The following EYS variants were observed in gnomAD, a reference collection of about 807,000 sequenced individuals.
EYS encodes the protein protein eyes shut homolog.
A neutral mutation model predicts 282.1 loss-of-function variants in EYS; 250 were observed. That is an observed-to-expected ratio of 0.89 (90% CI 0.80 to 0.98). EYS has a LOEUF of 0.98. EYS is among the 50% of genes least tolerant of loss of function. The pLI, the probability that EYS is intolerant of heterozygous loss-of-function variation, is 0.00. For missense variants in EYS, 4,016 were observed against 3,709.0 expected (o/e 1.08, Z -2.15); for synonymous variants, 1,355 against 1,282.9 (o/e 1.06, Z -1.20).
intron 29 of EYS, among the ~76,000 whole-genome samples, chr6:64,315,512 T>C (rs991866491): frequency 7.0e-6 from 1 of 142,550 alleles, no homozygotes; most frequent in Admixed American, 7.3e-5. Flanking sequence ...GATGAGAAAA[T>C]CCTCAATAAA....
chr6:64,932,797 AATGAT>A (rs1227345696), intron 15 of EYS, among the ~76,000 whole-genome samples: 1 of 152,052 alleles, frequency 6.6e-6, no homozygotes, highest in Admixed American at 6.6e-5. Flanking sequence ...ATCTCTGTGA[AATGAT>A]TCATTTTAGC....
intron 26 of EYS, among the ~76,000 whole-genome samples, chr6:64,485,197 G>C (rs1219866511): frequency 6.6e-6 from 1 of 151,612 alleles, no homozygotes; most frequent in Non-Finnish European, 1.5e-5. Context: ...CTAAGCACTT[G>C]CTGAATTGGC....
At chr6:64,538,659 A>G (rs1764602519) in intron 26 of EYS, among the ~76,000 whole-genome samples, 1 of 152,214 alleles carries the variant, frequency 6.6e-6, no homozygotes, top group African/African-American at 2.4e-5. Flanking sequence ...ATACTAATAA[A>G]TTATTTACTA....
At chr6:65,533,906 C>T (rs76591798) in intron 2 of EYS, among the ~76,000 whole-genome samples, 2,692 of 152,060 alleles carry the variant, frequency 0.018, 42 homozygotes, top group Non-Finnish European at 0.025. Context: ...TGCCTTTGTC[C>T]GAGGTAGAAA....
intron 19 of EYS, among the ~76,000 whole-genome samples, chr6:64,853,560 GA>G (rs1443701190): frequency 1.3e-5 from 2 of 152,074 alleles, no homozygotes; most frequent in Non-Finnish European, 2.9e-5. Context: ...TTTGAAAAGG[GA>G]GGACAATTAA....
intron 35 of EYS, among the ~76,000 whole-genome samples, chr6:63,959,333 A>C (rs778346183): frequency 6.6e-6 from 1 of 152,212 alleles, no homozygotes; most frequent in Non-Finnish European, 1.5e-5. Flanking sequence ...TGCCAGTCAG[A>C]ATAGTGATTA....
chr6:63,967,206 T>C (rs1766350716), intron 35 of EYS, among the ~76,000 whole-genome samples: 1 of 152,206 alleles, frequency 6.6e-6, no homozygotes, highest in African/African-American at 2.4e-5. Context: ...CACTAAGGGA[T>C]AATTCATGTC....
chr6:64,392,454 G>C (rs1394197839), intron 28 of EYS, among the ~76,000 whole-genome samples: 1 of 151,122 alleles, frequency 6.6e-6, no homozygotes, highest in Non-Finnish European at 1.5e-5. Context: ...AATCAAACTA[G>C]AACTCAGGAC....
At chr6:64,029,021 A>T (rs1241026504) in intron 33 of EYS, among the ~76,000 whole-genome samples, 1 of 152,128 alleles carries the variant, frequency 6.6e-6, no homozygotes, top group Non-Finnish European at 1.5e-5. Context: ...GCTTTTGTGG[A>T]CTATGGATCC....
intron 12 of EYS, among the ~76,000 whole-genome samples, chr6:65,166,615 T>G (rs1490742290): frequency 1.3e-5 from 2 of 151,308 alleles, no homozygotes; most frequent in African/African-American, 2.4e-5. Context: ...CCTATAAAAC[T>G]TTTAGAAGCA....
chr6:64,599,623 C>G (rs1766701005), intron 24 of EYS, among the ~76,000 whole-genome samples: 1 of 152,070 alleles, frequency 6.6e-6, no homozygotes, highest in African/African-American at 2.4e-5. Context: ...ATATGAGTCT[C>G]TCTTGAAGCA....
At chr6:64,383,684 T>C (rs1772821099) in intron 29 of EYS, among the ~76,000 whole-genome samples, 1 of 152,240 alleles carries the variant, frequency 6.6e-6, no homozygotes, top group Non-Finnish European at 1.5e-5. Context: ...CTTACATTTG[T>C]TGTGCAGTGA....
At chr6:65,370,866 G>A (rs1452538138) in intron 8 of EYS, among the ~76,000 whole-genome samples, 3 of 151,854 alleles carry the variant, frequency 2.0e-5, no homozygotes, top group Non-Finnish European at 2.9e-5. Flanking sequence ...AAGAAAGTTA[G>A]TACCATATAA....
chr6:64,061,100 A>T (rs902351374), intron 33 of EYS, among the ~76,000 whole-genome samples: 1 of 152,162 alleles, frequency 6.6e-6, no homozygotes, highest in African/African-American at 2.4e-5. Flanking sequence ...TAAATCTTTG[A>T]GGAAATGTTC....
At chr6:63,854,755 C>T (rs1297059916) in intron 36 of EYS, among the ~76,000 whole-genome samples, 1 of 152,032 alleles carries the variant, frequency 6.6e-6, no homozygotes, top group Non-Finnish European at 1.5e-5. Context: ...AATTTGAAAT[C>T]AGTTACTTGA....
intron 8 of EYS, among the ~76,000 whole-genome samples, chr6:65,381,013 T>C (rs575853447): frequency 3.6e-4 from 55 of 152,252 alleles, no homozygotes; most frequent in Middle Eastern, 3.4e-3. Context: ...TTTACACTTT[T>C]GGTGGGAGTG....
intron 22 of EYS, among the ~76,000 whole-genome samples, chr6:64,742,664 C>T (rs1562166225): frequency 6.6e-6 from 1 of 152,068 alleles, no homozygotes; most frequent in Non-Finnish European, 1.5e-5. Flanking sequence ...GTGATGGGTT[C>T]ACAGGTGCAT....
At chr6:64,526,457 T>G (rs1648299893) in intron 26 of EYS, among the ~76,000 whole-genome samples, 1 of 151,792 alleles carries the variant, frequency 6.6e-6, no homozygotes, top group Admixed American at 6.6e-5. Flanking sequence ...TAGACCTAAT[T>G]TATTCATTTA....
intron 26 of EYS, among the ~76,000 whole-genome samples, chr6:64,464,152 A>G (rs774502974): frequency 5.9e-5 from 9 of 152,318 alleles, no homozygotes; most frequent in Non-Finnish European, 1.0e-4. Flanking sequence ...ACCTACCCAA[A>G]TCTACAATTG....
Sources: gnomAD v4.1 joint callset for allele counts (sites outside exome capture counted in the v4.1 genomes callset) on GRCh38, gnomAD v4.1.1 for gene constraint, MANE v1.5 for transcripts, NCBI Gene and HGNC (gene_info 2026-07-23, HGNC 2026-07-21) for gene names.